LRRC1: variants seen among roughly 807,000 people sequenced by gnomAD.
LRRC1 encodes leucine rich repeat containing 1.
In LRRC1, 28 loss-of-function variants were observed where a neutral mutation model predicts 69.9. The ratio of observed to expected loss-of-function variants is 0.40; its 90% CI spans 0.30 to 0.55. The LOEUF is 0.55. LRRC1 is among the 20% of genes least tolerant of loss of function. The pLI is 0.47. For missense variants in LRRC1, 498 were observed against 609.0 expected (o/e 0.82, Z 1.92); for synonymous variants, 236 against 240.2 (o/e 0.98, Z 0.16).
intron 1 of LRRC1, among the ~76,000 whole-genome samples, chr6:53,812,532 T>C (rs1764822418): frequency 6.6e-6 from 1 of 151,462 alleles, no homozygotes. Context: ...CTACTAAAAA[T>C]ACAAAAAATC....
chr6:53,903,943 C>G (rs1033388584), intron 9 of LRRC1, among the ~76,000 whole-genome samples: 2 of 152,234 alleles, frequency 1.3e-5, no homozygotes, highest in African/African-American at 4.8e-5. Flanking sequence ...ATAGCCCTTG[C>G]CTTTCCCTGC....
At chr6:53,874,954 A>G (rs911909870) in intron 2 of LRRC1, among the ~76,000 whole-genome samples, 1 of 152,194 alleles carries the variant, frequency 6.6e-6, no homozygotes, top group Non-Finnish European at 1.5e-5. Flanking sequence ...TTCAGCTGCA[A>G]TAGTCATAAA....
chr6:53,879,278 A>G (rs568564042), intron 3 of LRRC1, among the ~76,000 whole-genome samples: 41 of 152,312 alleles, frequency 2.7e-4, no homozygotes, highest in African/African-American at 9.9e-4. Flanking sequence ...ACCTCAAAGT[A>G]TGTTGTAGGG....
chr6:53,802,075 C>G (rs1192610235), intron 1 of LRRC1, among the ~76,000 whole-genome samples: 1 of 152,188 alleles, frequency 6.6e-6, no homozygotes, highest in Non-Finnish European at 1.5e-5. Context: ...TACTGGTATG[C>G]TGTACTGCCC....
chr6:53,874,080 G>T (rs1471916656), intron 2 of LRRC1, among the ~76,000 whole-genome samples: 1 of 152,182 alleles, frequency 6.6e-6, no homozygotes, highest in African/African-American at 2.4e-5. Context: ...ATCCTGTGAT[G>T]AATTTGCTTG....
intron 3 of LRRC1, 77 bp downstream of exon 3, chr6:53,879,148 G>A: frequency 1.0e-6 from 1 of 969,946 alleles, no homozygotes; most frequent in East Asian, 2.5e-5. Flanking sequence ...ACACAGTCAG[G>A]TTAACCATCT....
intron 1 of LRRC1, among the ~76,000 whole-genome samples, chr6:53,835,371 A>G (rs1269773159): frequency 6.6e-6 from 1 of 152,198 alleles, no homozygotes; most frequent in Admixed American, 6.5e-5. Flanking sequence ...ATGCAATTCT[A>G]TAATTTTTAG....
chr6:53,902,694 G>C lies in LRRC1; in HGVS notation c.853G>C (p.Val285Leu). 6.2e-7 allele frequency: 1 copy of C among 1,613,572 alleles called. No individual in the cohort carries two copies. Among genetic ancestry groups the C allele is most frequent in the Admixed American group, 1.7e-5 (1 of 59,978 alleles). Reference protein sequence around the residue: ...QNRLTQLPEAVGECESLTELV... With the variant: ...QNRLTQLPEALGECESLTELV... Reference sequence around the variant, plus strand: ...TAGACTCACACAGTTGCCTGAAGCAGTTGGGGAATGTGAAAGTCTCACTGA... The same window carrying C: ...TAGACTCACACAGTTGCCTGAAGCACTTGGGGAATGTGAAAGTCTCACTGA... The change falls in exon 9 of 14, where the codon GTT (valine) becomes CTT (leucine). Residue 285 changes from valine (V) to leucine (L), a missense_variant. Physicochemically the swap from Val to Leu is conservative, Grantham distance 32. Transcript: ENST00000370888.
rs138847411 is a variant in LRRC1, at chr6:53,887,246, A to G, written c.446+4270A>G. On this transcript the variant is annotated intron_variant, in intron 4 of 13. Coordinates refer to ENST00000370888, the MANE Select transcript of LRRC1 (RefSeq NM_018214.5). Reference sequence around the variant, plus strand: ...TTCCAAGAAAAAATAATTATTGTCTATTAATACTGCTTAATATTTCTGATG... The same window carrying G: ...TTCCAAGAAAAAATAATTATTGTCTGTTAATACTGCTTAATATTTCTGATG... 1.9e-4 allele frequency among the ~76,000 whole-genome samples: 29 copies of G among 152,340 alleles called. No homozygotes were observed. In the East Asian group the frequency reaches 5.4e-3, roughly 28 times the overall value.
intron 4 of LRRC1, among the ~76,000 whole-genome samples, chr6:53,884,786 G>A (rs972408788): frequency 9.9e-5 from 15 of 152,032 alleles, no homozygotes; most frequent in African/African-American, 3.1e-4. Context: ...ACCCTCTACT[G>A]TACTATTTTA....
At chr6:53,888,543 A>T (rs1767570117) in intron 4 of LRRC1, among the ~76,000 whole-genome samples, 1 of 152,218 alleles carries the variant, frequency 6.6e-6, no homozygotes, top group African/African-American at 2.4e-5. Context: ...CTACAGACTC[A>T]TCTTAAGCCC....
intron 1 of LRRC1, among the ~76,000 whole-genome samples, chr6:53,834,190 T>C (rs1173988040): frequency 6.6e-6 from 1 of 152,232 alleles, no homozygotes. Flanking sequence ...CAAGGCTTTA[T>C]CGGGATGTTT....
chr6:53,851,146 A>C (rs1766114960), intron 2 of LRRC1, among the ~76,000 whole-genome samples: 1 of 150,718 alleles, frequency 6.6e-6, no homozygotes, highest in South Asian at 2.1e-4. Flanking sequence ...AGTTTATTAG[A>C]TGTCTCCAGG....
chr6:53,922,123 C>T (rs759083472), intron 13 of LRRC1, among the ~76,000 whole-genome samples: 2 of 152,122 alleles, frequency 1.3e-5, no homozygotes, highest in South Asian at 4.1e-4. Flanking sequence ...AGAAATAGTA[C>T]ACACAGCAGC....
intron 8 of LRRC1, among the ~76,000 whole-genome samples, chr6:53,900,771 G>T (rs188051736): frequency 6.6e-6 from 1 of 152,152 alleles, no homozygotes; most frequent in Admixed American, 6.5e-5. Flanking sequence ...GAAATTAAAC[G>T]CAGAGAAAGT....
At chr6:53,890,226 T>C (rs1767630077) in intron 4 of LRRC1, among the ~76,000 whole-genome samples, 1 of 152,176 alleles carries the variant, frequency 6.6e-6, no homozygotes, top group African/African-American at 2.4e-5. Context: ...TTTAACTGAG[T>C]TGTCTTCTCC....
intron 1 of LRRC1, among the ~76,000 whole-genome samples, chr6:53,816,839 T>C (rs1764964883): frequency 6.6e-6 from 1 of 152,182 alleles, no homozygotes; most frequent in Non-Finnish European, 1.5e-5. Flanking sequence ...AGTCGGAACC[T>C]CCGCTAAAAA....
chr6:53,803,586 GTA>G (rs1463596398), intron 1 of LRRC1, among the ~76,000 whole-genome samples: 121 of 141,596 alleles, frequency 8.5e-4, no homozygotes, highest in African/African-American at 1.8e-3. Context: ...GTGTGTGTGT[GTA>G]TGTGTGTGTG....
chr6:53,881,602 G>A (rs1278047030), intron 3 of LRRC1, among the ~76,000 whole-genome samples: 3 of 152,068 alleles, frequency 2.0e-5, no homozygotes, highest in African/African-American at 7.2e-5. Flanking sequence ...TGTGGGTCTG[G>A]ATTTGGTTTT....
Sources: gnomAD v4.1 joint callset for allele counts (sites outside exome capture counted in the v4.1 genomes callset) on GRCh38, gnomAD v4.1.1 for gene constraint, MANE v1.5 for transcripts, NCBI Gene and HGNC (gene_info 2026-07-23, HGNC 2026-07-21) for gene names.